FBLN2: variants seen among roughly 807,000 people sequenced by gnomAD.
FBLN2 encodes the protein fibulin 2, also known as fibulin-2.
In FBLN2, 81 loss-of-function variants were observed where a neutral mutation model predicts 123.7. The ratio of observed to expected loss-of-function variants is 0.65; its 90% CI spans 0.55 to 0.79. FBLN2 has a LOEUF of 0.79. Among genes scored for constraint, FBLN2 ranks in the 30% least tolerant of loss-of-function variants. The pLI is 0.00. For synonymous variants in FBLN2, 699 were observed against 701.4 expected (o/e 1.00, Z 0.05); for missense variants, 1,603 against 1,681.3 (o/e 0.95, Z 0.81).
intron 2 of FBLN2, among the ~76,000 whole-genome samples, chr3:13,584,209 G>A (rs889585591): frequency 1.3e-5 from 2 of 152,190 alleles, no homozygotes; most frequent in Admixed American, 6.5e-5. Flanking sequence ...TTAGCAATTC[G>A]TTCACATATT....
At position 13,555,016 on chromosome 3, in the gene FBLN2, G is replaced by A. The variant is rs138145685; in HGVS notation, c.-42+5808G>A. Reference sequence around the variant, plus strand: ...CACCCAGGCTGGAGTGCAGTGGTGCGATTCCGGCTCACTGCAACCTCTGCC... The same window carrying A: ...CACCCAGGCTGGAGTGCAGTGGTGCAATTCCGGCTCACTGCAACCTCTGCC... On this transcript the variant is annotated intron_variant, in intron 1 of 17. Coordinates refer to ENST00000404922, the MANE Select transcript of FBLN2 (RefSeq NM_001004019.2). Among the ~76,000 whole-genome samples, 487 of 150,560 alleles carry A rather than the reference G, an allele frequency of 3.2e-3. 3 individuals are homozygous for A. The highest frequency in any genetic ancestry group is 0.011 in the African/African-American group (464 of 40,804).
Position 13,549,125 on chromosome 3 carries a change from G to GCA in FBLN2, c.-120_-119dup. Reference sequence around the variant, plus strand: ...CTCGCGCCTCCGCCCCGCCCCGCGCGCACACAGCCAGGGGCCGCCCGGGCT... The same window carrying GCA: ...CTCGCGCCTCCGCCCCGCCCCGCGCGCACACACAGCCAGGGGCCGCCCGGGCT... On this transcript the variant is annotated 5_prime_UTR_variant, in exon 1 of 18. Transcript: ENST00000404922. 3.1e-6 allele frequency: 3 copies of GCA among 982,782 alleles called. No individual in the cohort carries two copies. The highest frequency in any genetic ancestry group is 3.6e-6 in the Non-Finnish European group (3 of 828,934). The allele number at this position is 982,782 out of a possible 1,614,324, so 60.9% of individuals were successfully genotyped here. A position where few individuals can be genotyped will look rare whatever the true frequency, so the allele number is the denominator to read the frequency against.
At chr3:13,618,312 G>A (rs1363623960) in intron 6 of FBLN2, 27 bp downstream of exon 6, 11 of 1,610,508 alleles carry the variant, frequency 6.8e-6, no homozygotes, top group African/African-American at 1.3e-5. Flanking sequence ...CCAGGGCAGG[G>A]GCTATGGGAA....
At chr3:13,564,843 G>T (rs569031663) in intron 1 of FBLN2, among the ~76,000 whole-genome samples, 1 of 152,370 alleles carries the variant, frequency 6.6e-6, no homozygotes, top group South Asian at 2.1e-4. Context: ...ATTTATCAAA[G>T]GAGGCAGTGT....
Position 13,629,862 on chromosome 3 carries a change from A to C in FBLN2, c.2885A>C (p.His962Pro), listed in dbSNP as rs957470148. Residue 962 changes from histidine to proline, a missense_variant, in exon 14 of 18, where the codon CAC becomes CCC. His to Pro is a moderately conservative substitution (Grantham distance 77). Coordinates refer to ENST00000404922, the MANE Select transcript of FBLN2 (RefSeq NM_001004019.2). ...CWASPGRLCQ[H>P]TCENTLGSYR... is the part of the protein sequence containing the mutation. ...GCCTCGCCAGGCCGCCTGTGCCAGC[A>C]CACGTGTGAGAACACACTCGGCTCC... The C allele has an allele frequency of 6.3e-7, 1 of 1,594,964 alleles. No homozygotes were observed. Among genetic ancestry groups the C allele is most frequent in the East Asian group, 2.3e-5 (1 of 43,826 alleles).
At chr3:13,622,922 A>G (rs956143368) in intron 9 of FBLN2, among the ~76,000 whole-genome samples, 3 of 152,248 alleles carry the variant, frequency 2.0e-5, no homozygotes, top group Non-Finnish European at 4.4e-5. Context: ...CAGTAAGGGC[A>G]TGCAGCGTAG....
At chr3:13,609,436 C>T in intron 3 of FBLN2, 77 bp from the exon 4 acceptor site, 1 of 1,456,808 alleles carries the variant, frequency 6.9e-7, no homozygotes. Context: ...GAGCTTCCCT[C>T]CTCTGAGCCT....
rs150728438 is a variant in FBLN2 at position 13,612,412 on chromosome 3, G to T, written c.1549-1572G>T. Among the ~76,000 whole-genome samples, 1,153 of 146,080 alleles carry T rather than the reference G, an allele frequency of 7.9e-3. 10 individuals carry two copies. Among genetic ancestry groups the T allele is most frequent in the Non-Finnish European group, 9.9e-3 (666 of 67,260 alleles). On this transcript the variant is annotated intron_variant, in intron 4 of 17. Coordinates refer to ENST00000404922, the MANE Select transcript of FBLN2 (RefSeq NM_001004019.2). ...TGTCTTTCTTTCTTGACGGAGTCTC[G>T]CTCTGTCACCCAGGCTGGAGTGCAG...
At chr3:13,625,463 C>T (rs375245143) in intron 9 of FBLN2, among the ~76,000 whole-genome samples, 1 of 152,172 alleles carries the variant, frequency 6.6e-6, no homozygotes, top group African/African-American at 2.4e-5. Context: ...CCCACTCAGA[C>T]CCCTTGTGTG....
Position 13,571,093 on chromosome 3 carries a change from CT to C in FBLN2, c.739del (p.Trp247GlyfsTer27). ...QPLSTIQAPP[W>X]PAVLPRPTAA... ...CACTGTCCACCATCCAGGCACCCCC[CT>C]GGCCAGCTGTCCTCCCCAGGCCCAC... On this transcript the variant is annotated frameshift_variant, in exon 2 of 18. Coordinates refer to ENST00000404922, the MANE Select transcript of FBLN2 (RefSeq NM_001004019.2). LOFTEE classifies it high-confidence loss of function. 6.4e-7 allele frequency: 1 copy of C among 1,553,062 alleles called. No individual in the cohort carries two copies.
chr3:13,581,289 G>A (rs1387734982), intron 2 of FBLN2, among the ~76,000 whole-genome samples: 1 of 152,068 alleles, frequency 6.6e-6, no homozygotes, highest in Non-Finnish European at 1.5e-5. Flanking sequence ...ATGAAAGTCC[G>A]GTAGTGGTTG....
intron 9 of FBLN2, among the ~76,000 whole-genome samples, chr3:13,623,106 A>C (rs1705911343): frequency 6.6e-6 from 1 of 152,228 alleles, no homozygotes. Flanking sequence ...TGCTGGGCTG[A>C]ATGCCTGCTG....
At chr3:13,601,310 T>C (rs1029166340) in intron 2 of FBLN2, among the ~76,000 whole-genome samples, 5 of 152,248 alleles carry the variant, frequency 3.3e-5, no homozygotes, top group African/African-American at 1.2e-4. Flanking sequence ...GAGTCTGAGC[T>C]GTGCAGAAGA....
At chr3:13,611,743 T>C (rs1432564753) in intron 4 of FBLN2, among the ~76,000 whole-genome samples, 1 of 152,232 alleles carries the variant, frequency 6.6e-6, no homozygotes, top group Admixed American at 6.5e-5. Context: ...GCTGTGAACA[T>C]GAGCAGAAGA....
chr3:13,594,746 A>T (rs1314577730), intron 2 of FBLN2, among the ~76,000 whole-genome samples: 1 of 152,068 alleles, frequency 6.6e-6, no homozygotes, highest in Non-Finnish European at 1.5e-5. Context: ...TTCAGGTGAC[A>T]CTCAGCTGGG....
intron 1 of FBLN2, among the ~76,000 whole-genome samples, chr3:13,549,531 CT>C (rs1010640991): frequency 6.6e-6 from 1 of 151,898 alleles, no homozygotes; most frequent in African/African-American, 2.4e-5. Context: ...CTTCTCCCCC[CT>C]GGGCCGGCTC....
intron 2 of FBLN2, among the ~76,000 whole-genome samples, chr3:13,574,668 C>G (rs1016849877): frequency 6.6e-6 from 1 of 152,114 alleles, no homozygotes; most frequent in Non-Finnish European, 1.5e-5. Flanking sequence ...GGAGGGGTCA[C>G]TTCTGGCCCC....
chr3:13,618,294 C>A lies in FBLN2; in HGVS notation c.1939+9C>A, dbSNP rs745690864. 20 of 1,613,392 alleles carry A rather than the reference C, an allele frequency of 1.2e-5. No homozygotes were observed. Among genetic ancestry groups the A allele is most frequent in the Non-Finnish European group, 1.6e-5 (19 of 1,179,728 alleles). ...CCGCACTTGCCGCCCAGGTAAGGGC[C>A]CTGATGGCCAGGGCAGGGGCTATGG... On this transcript the variant is annotated intron_variant, in intron 6 of 17. Transcript: ENST00000404922.
At chr3:13,601,551 T>C (rs1291282964) in intron 2 of FBLN2, among the ~76,000 whole-genome samples, 1 of 152,218 alleles carries the variant, frequency 6.6e-6, no homozygotes, top group Non-Finnish European at 1.5e-5. Flanking sequence ...CTGAGCCATG[T>C]TCCATTCAGA....
Sources: allele counts gnomAD v4.1 joint callset (sites outside exome capture counted in the v4.1 genomes callset), GRCh38; gene constraint gnomAD v4.1.1; transcripts MANE v1.5; gene names NCBI Gene and HGNC (gene_info 2026-07-23, HGNC 2026-07-21).